Variants in POMGNT1 observed in about 807,000 individuals in gnomAD.
POMGNT1 encodes protein O-linked mannose N-acetylglucosaminyltransferase 1 (beta 1,2-).
Under a neutral mutation model 95.6 loss-of-function variants are expected in POMGNT1, and 67 were observed. That is an observed-to-expected ratio of 0.70 (90% confidence interval 0.58 to 0.86). The LOEUF is 0.86. Among genes scored for constraint, POMGNT1 ranks in the 40% least tolerant of loss-of-function variants. The pLI is 0.00. For synonymous variants in POMGNT1, 298 were observed against 317.9 expected (o/e 0.94, Z 0.66); for missense variants, 719 against 855.2 (o/e 0.84, Z 1.99).
chr1:46,190,568 C>T (rs1291478925), intron 18 of POMGNT1, 51 bp from the exon 19 acceptor site: 1 of 1,547,600 alleles, frequency 6.5e-7, no homozygotes, highest in East Asian at 2.2e-5. Context: ...CCTCAGGTCC[C>T]ATGGGTAGCA....
At position 46,189,758 on chromosome 1, in the gene POMGNT1, G is replaced by C; in HGVS notation, c.1785+96C>G. On this transcript the variant is annotated intron_variant, in intron 20 of 21. Coordinates refer to ENST00000371984, the MANE Select transcript of POMGNT1 (RefSeq NM_017739.4). Reference sequence around the variant, plus strand: ...TCTAAGAGTATAAAGAGGAGGTTCTGAGGTTGAAGATTCCAGAGCAAAGGC... The same window carrying C: ...TCTAAGAGTATAAAGAGGAGGTTCTCAGGTTGAAGATTCCAGAGCAAAGGC... The C allele has an allele frequency of 1.3e-6, 2 of 1,583,168 alleles. 1 individual carries two copies. The highest frequency in any genetic ancestry group is 2.3e-5 in the South Asian group (2 of 86,608).
chr1:46,193,733 C>G, intron 10 of POMGNT1, 94 bp from the exon 11 acceptor site: 1 of 1,601,524 alleles, frequency 6.2e-7, no homozygotes, highest in East Asian at 2.2e-5. Flanking sequence ...CTATGCTTAC[C>G]CACAGAGGTG....
intron 1 of POMGNT1, among the ~76,000 whole-genome samples, chr1:46,215,142 C>T (rs1186500853): frequency 2.7e-5 from 4 of 148,624 alleles, no homozygotes; most frequent in Non-Finnish European, 5.9e-5. Context: ...AGGAGAATGG[C>T]GTGAACCCGG....
chr1:46,192,267 G>GGTAGGGGACTC (rs772343077), intron 16 of POMGNT1, 41 bp downstream of exon 16: 17 of 1,614,026 alleles, frequency 1.1e-5, no homozygotes, highest in Non-Finnish European at 1.2e-5. Context: ...GTTTCGAGTT[G>GGTAGGGGACTC]GTAGGGGACT....
chr1:46,209,885 A>G (rs958051950), intron 1 of POMGNT1, among the ~76,000 whole-genome samples: 6 of 152,150 alleles, frequency 3.9e-5, no homozygotes, highest in East Asian at 1.9e-4. Context: ...GAGGGAGGGG[A>G]AAACAGCAGG....
upstream of POMGNT1, chr1:46,203,377 A>G: frequency 7.0e-7 from 1 of 1,424,952 alleles, no homozygotes; most frequent in Non-Finnish European, 9.2e-7. Context: ...GACCCCCGGG[A>G]GCCGGTCCCC....
At position 46,192,382 on chromosome 1, in the gene POMGNT1, G is replaced by T; in HGVS notation, c.1339C>A (p.Pro447Thr). 1 of 1,614,158 alleles carries T rather than the reference G, an allele frequency of 6.2e-7. No homozygotes were observed. The highest frequency in any genetic ancestry group is 8.5e-7 in the Non-Finnish European group (1 of 1,180,034). Reference sequence around the variant, plus strand: ...CTCCTGAGCACCCAGCCCAGCCCAGGCATGGTCTCCACACGGTACAGTAGT... The same window carrying T: ...CTCCTGAGCACCCAGCCCAGCCCAGTCATGGTCTCCACACGGTACAGTAGT... ...PALLYRVETM[P>T]GLGWVLRRSL... is the part of the protein sequence containing the mutation. Residue 447 changes from proline to threonine, a missense_variant, in exon 16 of 22, where the codon CCT becomes ACT. This residue lies in a region of POMGNT1 where 118 missense variants were observed against 153.6 expected (regional missense o/e 0.77). Transcript: ENST00000371984.
At chr1:46,190,142 A>AGGC (rs1657646948) in intron 19 of POMGNT1, 153 bp from the exon 20 acceptor site, 2 of 926,028 alleles carry the variant, frequency 2.2e-6, no homozygotes, top group Non-Finnish European at 3.1e-6. Context: ...TCTGTCGCCC[A>AGGC]GGCTGGAGTC....
exon 1 of POMGNT1, chr1:46,219,716 C>G: frequency 6.3e-7 from 1 of 1,596,410 alleles, no homozygotes. Context: ...TGCGAGCCAT[C>G]GATGTGAAGA....
At position 46,193,401 on chromosome 1, in the gene POMGNT1, G is replaced by A; in HGVS notation, c.1027-13C>T. Reference sequence around the variant, plus strand: ...CATCCATGGGTTCCTGGGGGACATGGCCACTGCTCACCATGTGAGGTCACT... The same window carrying A: ...CATCCATGGGTTCCTGGGGGACATGACCACTGCTCACCATGTGAGGTCACT... On this transcript the variant is annotated splice_polypyrimidine_tract_variant and intron_variant, in intron 11 of 21. Coordinates refer to ENST00000371984, the MANE Select transcript of POMGNT1 (RefSeq NM_017739.4). The A allele has an allele frequency of 6.2e-7, 1 of 1,610,040 alleles. No homozygotes were observed. Among genetic ancestry groups the A allele is most frequent in the Non-Finnish European group, 8.5e-7 (1 of 1,178,018 alleles).
intron 1 of POMGNT1, among the ~76,000 whole-genome samples, chr1:46,207,751 G>A (rs184563798): frequency 1.2e-4 from 18 of 151,420 alleles, no homozygotes; most frequent in African/African-American, 3.6e-4. Context: ...TGTTAGCCAG[G>A]ATGGTCTCGA....
At position 46,207,524 on chromosome 1, in the gene POMGNT1, T is replaced by TTTTC. The variant is rs202035398; in HGVS notation, c.-50-9657_-50-9654dup. On this transcript the variant is annotated intron_variant, in intron 1 of 22. Coordinates refer to the POMGNT1 transcript ENST00000371992. ...TCCACTAGCGTTTGCCACACTGAAC[T>TTTTC]TTTCTTTCTTTCTTTCTTTCTTTTT... Among the ~76,000 whole-genome samples the TTTTC allele has an allele frequency of 1.3e-4, 20 of 151,844 alleles. 1 individual carries two copies. The highest frequency in any genetic ancestry group is 5.9e-4 in the Admixed American group (9 of 15,242).
At chr1:46,216,139 C>A (rs1659060430) in intron 1 of POMGNT1, among the ~76,000 whole-genome samples, 1 of 150,408 alleles carries the variant, frequency 6.6e-6, no homozygotes, top group Non-Finnish European at 1.5e-5. Flanking sequence ...CTCCGCCCCC[C>A]AGGTTCACGC....
intron 19 of POMGNT1, 165 bp downstream of exon 19, chr1:46,190,308 T>G: frequency 1.1e-6 from 1 of 910,394 alleles, no homozygotes; most frequent in Admixed American, 1.8e-5. Flanking sequence ...CCTCCCAAAG[T>G]GCTGGGATTA....
At chr1:46,219,007 T>C (rs1336656146) in intron 1 of POMGNT1, among the ~76,000 whole-genome samples, 1 of 152,144 alleles carries the variant, frequency 6.6e-6, no homozygotes, top group Non-Finnish European at 1.5e-5. Context: ...CAATAGTCAG[T>C]ACCCTGTGGC....
intron 6 of POMGNT1, 113 bp from the exon 7 acceptor site, chr1:46,195,074 G>T: frequency 2.2e-6 from 2 of 909,310 alleles, no homozygotes; most frequent in Non-Finnish European, 3.7e-6. Context: ...TTACATTATT[G>T]CAATAACCCT....
rs1657536358 is a variant in POMGNT1 at position 46,189,093 on chromosome 1, A to T, written c.*177T>A. 4 of 1,504,282 alleles carry T rather than the reference A, an allele frequency of 2.7e-6. No individual in the cohort carries two copies. The Admixed American group carries it at 7.0e-5, about 26-fold the overall frequency. The allele number at this position is 1,504,282 out of a possible 1,614,324, so 93.2% of individuals were successfully genotyped here. On this transcript the variant is annotated 3_prime_UTR_variant, in exon 22 of 22. Transcript: ENST00000371984. Reference sequence around the variant, plus strand: ...AAGTAAATAAATAGACTTTTAACTCAGGAACGGGGTGTTGGAGCAGGGGAA... The same window carrying T: ...AAGTAAATAAATAGACTTTTAACTCTGGAACGGGGTGTTGGAGCAGGGGAA...
chr1:46,217,865 A>G (rs971828180), intron 1 of POMGNT1, among the ~76,000 whole-genome samples: 4 of 152,216 alleles, frequency 2.6e-5, no homozygotes, highest in African/African-American at 9.6e-5. Flanking sequence ...CTCAAAAAAG[A>G]AAAAAGAAAG....
At chr1:46,193,955 C>T (rs1658003713) in intron 9 of POMGNT1, 30 bp from the exon 10 acceptor site, 5 of 1,612,312 alleles carry the variant, frequency 3.1e-6, no homozygotes, top group Non-Finnish European at 4.2e-6. Context: ...TAGCTCTTGC[C>T]TTATTCCCCC....
Sources: gnomAD v4.1 joint callset for allele counts (sites outside exome capture counted in the v4.1 genomes callset) on GRCh38, gnomAD v4.1.1 for gene constraint, gnomAD v4.1.1 regional missense constraint, MANE v1.5 for transcripts, NCBI Gene and HGNC (gene_info 2026-07-23, HGNC 2026-07-21) for gene names.